Variants in GSTCD observed in about 807,000 individuals in gnomAD.
GSTCD encodes glutathione S-transferase C-terminal domain containing, also known as glutathione S-transferase C-terminal domain-containing protein.
GSTCD carries 44 observed loss-of-function variants against 68.3 expected under a neutral mutation model. The ratio of observed to expected loss-of-function variants is 0.64; its 90% confidence interval spans 0.51 to 0.83. The LOEUF is 0.83. GSTCD is among the 40% of genes least tolerant of loss of function. The pLI, the probability that GSTCD is intolerant of heterozygous loss-of-function variation, is 0.00. For synonymous variants in GSTCD, 273 were observed against 255.2 expected (o/e 1.07, Z -0.67); for missense variants, 739 against 735.9 (o/e 1.00, Z -0.05).
intron 5 of GSTCD, among the ~76,000 whole-genome samples, chr4:105,757,569 C>G (rs1734241204): frequency 6.6e-6 from 1 of 152,070 alleles, no homozygotes. Flanking sequence ...ATTTCTCACA[C>G]AAATGTTATT....
intron 5 of GSTCD, among the ~76,000 whole-genome samples, chr4:105,783,709 A>G (rs1735364299): frequency 6.6e-6 from 1 of 152,222 alleles, no homozygotes. Flanking sequence ...TAATATGGAT[A>G]CAATGTTACT....
At chr4:105,792,861 A>C (rs1479257557) in intron 5 of GSTCD, among the ~76,000 whole-genome samples, 2 of 152,080 alleles carry the variant, frequency 1.3e-5, no homozygotes, top group Non-Finnish European at 2.9e-5. Context: ...TCTAGTTATA[A>C]TGAAGCTTAG....
At chr4:105,772,509 T>C (rs1734891237) in intron 5 of GSTCD, among the ~76,000 whole-genome samples, 1 of 152,216 alleles carries the variant, frequency 6.6e-6, no homozygotes, top group Non-Finnish European at 1.5e-5. Flanking sequence ...TAAATAGCTC[T>C]TATTGTTTTG....
At chr4:105,769,233 G>GCGCGCA (rs1553961423) in intron 5 of GSTCD, among the ~76,000 whole-genome samples, 1 of 146,230 alleles carries the variant, frequency 6.8e-6, no homozygotes, top group African/African-American at 2.5e-5. Flanking sequence ...ATACACGCGC[G>GCGCGCA]CACACACACA....
chr4:105,756,797 C>T (rs1351416151), intron 5 of GSTCD, among the ~76,000 whole-genome samples: 1 of 151,806 alleles, frequency 6.6e-6, no homozygotes, highest in South Asian at 2.1e-4. Context: ...TAGAGATCAC[C>T]TAAAATCAGA....
At chr4:105,713,637 G>T (rs942850080) in intron 1 of GSTCD, among the ~76,000 whole-genome samples, 1 of 152,096 alleles carries the variant, frequency 6.6e-6, no homozygotes, top group Non-Finnish European at 1.5e-5. Context: ...TAGAAGTAAT[G>T]CACATGTTCT....
Position 105,845,655 on chromosome 4 carries a change from T to A in GSTCD, c.*78T>A. On this transcript the variant is annotated 3_prime_UTR_variant, in exon 12 of 12. Transcript: ENST00000515279. ...AGTGGCATTCAGGAGGTTCTTGGCA[T>A]AACTAGGAAACAGCATTAGCCATCT... 6.7e-7 allele frequency: 1 copy of A among 1,481,774 alleles called. No individual in the cohort carries two copies. The highest frequency in any genetic ancestry group is 1.2e-5 in the South Asian group (1 of 86,688). 91.8% of individuals were successfully genotyped at this position (1,481,774 alleles called of 1,614,324 possible). A position where few individuals can be genotyped will look rare whatever the true frequency, so the allele number is the denominator to read the frequency against.
intron 5 of GSTCD, among the ~76,000 whole-genome samples, chr4:105,750,342 C>A (rs1007431450): frequency 2.0e-5 from 3 of 151,858 alleles, no homozygotes; most frequent in Non-Finnish European, 4.4e-5. Flanking sequence ...TGCCTGTAAT[C>A]CTAGCTACTC....
chr4:105,713,120 C>G (rs956585151), intron 1 of GSTCD, among the ~76,000 whole-genome samples: 5 of 152,082 alleles, frequency 3.3e-5, no homozygotes, highest in African/African-American at 1.2e-4. Context: ...ATAAGTATTG[C>G]TTCATGACAT....
chr4:105,791,221 G>A (rs1272965962), intron 5 of GSTCD, among the ~76,000 whole-genome samples: 2 of 151,652 alleles, frequency 1.3e-5, no homozygotes, highest in Non-Finnish European at 2.9e-5. Context: ...GTGAAACCCC[G>A]TCTCTACTAA....
intron 5 of GSTCD, among the ~76,000 whole-genome samples, chr4:105,813,253 A>G (rs1315381690): frequency 6.6e-6 from 1 of 152,258 alleles, no homozygotes; most frequent in Non-Finnish European, 1.5e-5. Context: ...TAGTGCTAAT[A>G]CCAGCAAATA....
At chr4:105,739,065 C>G (rs1263799964) in intron 5 of GSTCD, among the ~76,000 whole-genome samples, 1 of 152,162 alleles carries the variant, frequency 6.6e-6, no homozygotes, top group Non-Finnish European at 1.5e-5. Flanking sequence ...ATTTTATCAA[C>G]TGCATTTTGT....
chr4:105,727,360 C>T (rs994119142), intron 4 of GSTCD, among the ~76,000 whole-genome samples: 33 of 151,792 alleles, frequency 2.2e-4, no homozygotes, highest in Non-Finnish European at 8.8e-5. Context: ...CCCATCTCTA[C>T]TAAAATTACA....
intron 5 of GSTCD, among the ~76,000 whole-genome samples, chr4:105,812,527 T>C (rs563424815): frequency 6.6e-6 from 1 of 152,086 alleles, no homozygotes; most frequent in Non-Finnish European, 1.5e-5. Context: ...TCAGCTATTG[T>C]CCATTACTTT....
intron 5 of GSTCD, among the ~76,000 whole-genome samples, chr4:105,730,291 A>G (rs1207739458): frequency 2.0e-5 from 3 of 152,156 alleles, no homozygotes; most frequent in African/African-American, 7.2e-5. Flanking sequence ...TGGTATTTCT[A>G]GTTCTAGCTC....
intron 5 of GSTCD, chr4:105,820,951 A>T (rs1187890074): frequency 1.3e-5 from 2 of 151,870 alleles, no homozygotes; most frequent in African/African-American, 2.4e-5. Context: ...CCTTATTCTT[A>T]ACAAAAACAT....
chr4:105,760,405 G>T (rs1242184503), intron 5 of GSTCD, among the ~76,000 whole-genome samples: 1 of 152,138 alleles, frequency 6.6e-6, no homozygotes, highest in East Asian at 1.9e-4. Flanking sequence ...ATGCTTAAAA[G>T]CATAATTTTT....
intron 3 of GSTCD, 32 bp downstream of exon 3, chr4:105,719,559 A>T (rs369398301): frequency 8.7e-6 from 13 of 1,497,966 alleles, no homozygotes; most frequent in Non-Finnish European, 1.2e-5. Context: ...ACACATTACT[A>T]TGAGTTTCAG....
At chr4:105,714,134 T>C (rs1732616560) in intron 1 of GSTCD, among the ~76,000 whole-genome samples, 1 of 152,190 alleles carries the variant, frequency 6.6e-6, no homozygotes, top group Admixed American at 6.5e-5. Flanking sequence ...CATAATCTTT[T>C]CTTTTTACCC....
Sources: gnomAD v4.1 joint callset for allele counts (sites outside exome capture counted in the v4.1 genomes callset) on GRCh38, gnomAD v4.1.1 for gene constraint, MANE v1.5 for transcripts, NCBI Gene and HGNC (gene_info 2026-07-23, HGNC 2026-07-21) for gene names.